Variants in NUP205 observed in about 807,000 individuals in gnomAD.
The protein encoded by NUP205 is nucleoporin 205, also known as nuclear pore complex protein Nup205.
In NUP205, 76 loss-of-function variants were observed where a neutral mutation model predicts 253.8. The ratio of observed to expected loss-of-function variants is 0.30; its 90% CI spans 0.25 to 0.36. The LOEUF is 0.36. Among genes scored for constraint, NUP205 ranks in the 10% least tolerant of loss-of-function variants. The pLI, the probability that NUP205 is intolerant of heterozygous loss-of-function variation, is 1.00. For missense variants in NUP205, 2,162 were observed against 2,425.5 expected (o/e 0.89, Z 2.28); for synonymous variants, 832 against 850.1 (o/e 0.98, Z 0.37).
In NUP205 at chr7:135,618,419, G is replaced by A. The variant is rs764790202; in HGVS notation, c.3779G>A (p.Ser1260Asn). The A allele has an allele frequency of 1.2e-6, 2 of 1,613,788 alleles. No individual in the cohort carries two copies. The highest frequency in any genetic ancestry group is 2.2e-5 in the South Asian group (2 of 91,082). The change falls in exon 28 of 43, where the codon AGC (serine) becomes AAC (asparagine). Residue 1260 changes from serine (S) to asparagine (N), a missense_variant. Transcript: ENST00000285968. Reference sequence around the variant, plus strand: ...CAATTCCTGTGGCTTTAGGAAATCAGCACTGTACTTCAGTATGTGGTAGGA... The same window carrying A: ...CAATTCCTGTGGCTTTAGGAAATCAACACTGTACTTCAGTATGTGGTAGGA... ...GQRPLLMEEISTVLQYVVGRN... is the reference protein window; with the variant it reads ...GQRPLLMEEINTVLQYVVGRN...
intron 1 of NUP205, 99 bp downstream of exon 1, chr7:135,558,071 T>C (rs1805479891): frequency 1.0e-6 from 1 of 998,416 alleles, no homozygotes; most frequent in South Asian, 1.3e-5. Flanking sequence ...GGACCCCACT[T>C]ATGTGCGGTG....
intron 41 of NUP205, 62 bp downstream of exon 41, chr7:135,645,658 A>C: frequency 6.5e-7 from 1 of 1,527,076 alleles, no homozygotes; most frequent in South Asian, 1.2e-5. Flanking sequence ...AAAAGCTAGT[A>C]CCAGTTTTTT....
chr7:135,621,358 T>C (rs1051324056), intron 30 of NUP205, among the ~76,000 whole-genome samples: 2 of 152,106 alleles, frequency 1.3e-5, no homozygotes, highest in Non-Finnish European at 2.9e-5. Flanking sequence ...ATTTCTCCAC[T>C]CAGCACCTCC....
chr7:135,609,898 C>T (rs138015509), intron 22 of NUP205, among the ~76,000 whole-genome samples: 1 of 152,034 alleles, frequency 6.6e-6, no homozygotes, highest in Non-Finnish European at 1.5e-5. Context: ...TAAGTAGAAA[C>T]AACTGATAAG....
At chr7:135,585,464 G>T (rs1468033131) in intron 8 of NUP205, among the ~76,000 whole-genome samples, 1 of 152,136 alleles carries the variant, frequency 6.6e-6, no homozygotes, top group East Asian at 1.9e-4. Flanking sequence ...CTGCCCTAAG[G>T]ATTAGTGCTA....
chr7:135,637,848 C>T (rs1333651295), intron 36 of NUP205, 83 bp from the exon 37 acceptor site: 1 of 1,298,678 alleles, frequency 7.7e-7, no homozygotes, highest in Non-Finnish European at 1.1e-6. Flanking sequence ...CCATTCTCCA[C>T]TGAGTTTTTC....
At chr7:135,639,113 A>T (rs1258977223) in intron 38 of NUP205, among the ~76,000 whole-genome samples, 1 of 152,208 alleles carries the variant, frequency 6.6e-6, no homozygotes, top group Non-Finnish European at 1.5e-5. Flanking sequence ...AGGCCAACTT[A>T]CCCTATAATT....
In NUP205 at chr7:135,617,272, T is replaced by C. The variant is rs370039350; in HGVS notation, c.3690+25T>C. ...GGTGAGGATTGCTTTAAAGTACATA[T>C]CTGCAGTGTCAAGTGGCTCAGACTT... On this transcript the variant is annotated intron_variant, in intron 26 of 42. Coordinates refer to ENST00000285968, the MANE Select transcript of NUP205 (RefSeq NM_015135.3). 1.2e-5 allele frequency: 19 copies of C among 1,601,248 alleles called. No individual in the cohort carries two copies. The African/African-American group carries it at 2.4e-4, about 20-fold the overall frequency.
intron 14 of NUP205, 110 bp from the exon 15 acceptor site, chr7:135,597,888 A>T (rs1793878694): frequency 2.5e-6 from 2 of 814,154 alleles, no homozygotes; most frequent in East Asian, 2.5e-5. Context: ...AATATCTGTT[A>T]TATCTTTTGG....
Position 135,638,627 on chromosome 7 carries a change from T to C in NUP205, c.5336T>C (p.Val1779Ala). Residue 1779 changes from valine to alanine, a missense_variant, in exon 38 of 43, where the codon GTG becomes GCG. This residue lies in a region of NUP205 where 1,144 missense variants were observed against 1,280.9 expected (regional missense o/e 0.89). Transcript: ENST00000285968. Reference sequence around the variant, plus strand: ...AGTTCCCCTACCTTCCAGCATGCTGTGTGTCTCTTCACTCCTAGCCTTTCA... The same window carrying C: ...AGTTCCCCTACCTTCCAGCATGCTGCGTGTCTCTTCACTCCTAGCCTTTCA... ...LQSSPTFQHAVCLFTPSLSET... is the reference protein window; with the variant it reads ...LQSSPTFQHAACLFTPSLSET... 1.9e-6 allele frequency: 3 copies of C among 1,614,014 alleles called. No individual in the cohort carries two copies. Among genetic ancestry groups the C allele is most frequent in the Non-Finnish European group, 2.5e-6 (3 of 1,179,920 alleles).
chr7:135,560,080 G>C (rs1190588365), intron 1 of NUP205, among the ~76,000 whole-genome samples: 1 of 151,850 alleles, frequency 6.6e-6, no homozygotes, highest in Non-Finnish European at 1.5e-5. Context: ...GGCTGGTCTC[G>C]AGCTCCTGAC....
Position 135,638,635 on chromosome 7 carries a change from T to C in NUP205, c.5344T>C (p.Phe1782Leu). 1 of 1,614,136 alleles carries C rather than the reference T, an allele frequency of 6.2e-7. No homozygotes were observed. The change falls in exon 38 of 43, where the codon TTC becomes CTC. Residue 1782 changes from phenylalanine to leucine, a missense_variant. Phe to Leu is a conservative substitution (Grantham distance 22, BLOSUM62 0). Coordinates refer to ENST00000285968, the MANE Select transcript of NUP205 (RefSeq NM_015135.3). ...TACCTTCCAGCATGCTGTGTGTCTCTTCACTCCTAGCCTTTCAGAAACAGT... is the reference window on the plus strand; with the variant it reads ...TACCTTCCAGCATGCTGTGTGTCTCCTCACTCCTAGCCTTTCAGAAACAGT... ...SPTFQHAVCL[F>L]TPSLSETVNR...
Position 135,617,617 on chromosome 7 carries a change from C to CT in NUP205, c.3708dup (p.Val1237CysfsTer3), listed in dbSNP as rs777917192. 1 of 1,612,188 alleles carries CT rather than the reference C, an allele frequency of 6.2e-7. No homozygotes were observed. The highest frequency in any genetic ancestry group is 1.3e-5 in the African/African-American group (1 of 74,790). Reference sequence around the variant, plus strand: ...AATTATCCAGCTTCTTCATAGGGTTCTTGTAGCTGAAGTAAATGCCCTTCA... The same window carrying CT: ...AATTATCCAGCTTCTTCATAGGGTTCTTTGTAGCTGAAGTAAATGCCCTTCA... On this transcript the variant is annotated frameshift_variant, in exon 27 of 43. Coordinates refer to ENST00000285968, the MANE Select transcript of NUP205 (RefSeq NM_015135.3). LOFTEE classifies it high-confidence loss of function.
At chr7:135,570,848 C>T (rs867187957) in intron 1 of NUP205, among the ~76,000 whole-genome samples, 187 of 54,348 alleles carry the variant, frequency 3.4e-3, no homozygotes, top group Middle Eastern at 0.012. Context: ...TTATATATTA[C>T]ATATATTATA....
At chr7:135,638,767 G>C in intron 38 of NUP205, 84 bp downstream of exon 38, 1 of 1,408,738 alleles carries the variant, frequency 7.1e-7, no homozygotes, top group South Asian at 1.2e-5. Context: ...CCAGTAAGAT[G>C]CAGTATTTTC....
At position 135,587,570 on chromosome 7, in the gene NUP205, A is replaced by G; in HGVS notation, c.1219-5A>G. ...TATTAAAACTATATCTAATAAATTT[A>G]ATAGGTGAAACAGCTGAGGAATCGG... On this transcript the variant is annotated splice_region_variant and splice_polypyrimidine_tract_variant and intron_variant, in intron 8 of 42. Coordinates refer to ENST00000285968, the MANE Select transcript of NUP205 (RefSeq NM_015135.3). The G allele has an allele frequency of 6.4e-7, 1 of 1,557,658 alleles. No individual in the cohort carries two copies. Among genetic ancestry groups the G allele is most frequent in the Non-Finnish European group, 8.7e-7 (1 of 1,145,430 alleles).
chr7:135,645,119 A>G (rs1487348616), intron 40 of NUP205, 101 bp downstream of exon 40: 12 of 1,383,592 alleles, frequency 8.7e-6, no homozygotes, highest in Non-Finnish European at 1.2e-5. Context: ...GTGGAAGGAG[A>G]TAAACTTAAT....
intron 14 of NUP205, 192 bp downstream of exon 14, chr7:135,597,610 A>C (rs1793873791): frequency 2.1e-6 from 1 of 475,860 alleles, no homozygotes; most frequent in Admixed American, 3.7e-5. Flanking sequence ...TTTGTGTTTC[A>C]GAGTTGGAAA....
chr7:135,592,949 G>A (rs955811539), intron 11 of NUP205, 38 bp from the exon 12 acceptor site: 5 of 1,406,466 alleles, frequency 3.6e-6, no homozygotes, highest in Non-Finnish European at 4.0e-6. Flanking sequence ...ATGCTTAGAT[G>A]TTTTTTAAAT....
Sources: gnomAD v4.1 joint callset for allele counts (sites outside exome capture counted in the v4.1 genomes callset) on GRCh38, gnomAD v4.1.1 for gene constraint, gnomAD v4.1.1 regional missense constraint, MANE v1.5 for transcripts, NCBI Gene and HGNC (gene_info 2026-07-23, HGNC 2026-07-21) for gene names.